Variants in PIF1 observed in about 807,000 individuals in gnomAD.
PIF1 encodes PIF1 5'-to-3' DNA helicase.
Under a neutral mutation model 62.3 loss-of-function variants are expected in PIF1, and 67 were observed. The ratio of observed to expected loss-of-function variants is 1.08; its 90% CI spans 0.88 to 1.32. PIF1 has a LOEUF of 1.32. Among genes scored for constraint, PIF1 ranks in the 40% most tolerant of loss-of-function variants. The pLI is 0.00. For missense variants in PIF1, 886 were observed against 866.1 expected (o/e 1.02, Z -0.29); for synonymous variants, 364 against 379.5 (o/e 0.96, Z 0.47).
In PIF1 at chr15:64,822,360, G is replaced by A; in HGVS notation, c.723C>T (p.Ile241=). The change falls in exon 4 of 13, where the codon ATC becomes ATT. Residue 241 remains isoleucine (I), a synonymous_variant. Coordinates refer to ENST00000559239, the MANE Select transcript of PIF1 (RefSeq NM_001286496.2). ...GTGKSYLLKR[I]LGSLPPTGTV... is the part of the protein sequence containing the mutation. Reference sequence around the variant, plus strand: ...TGCCTGTGGGGGGCAGTGAGCCCAGGATTCGCTTTAGCAGATATGACTTCC... The same window carrying A: ...TGCCTGTGGGGGGCAGTGAGCCCAGAATTCGCTTTAGCAGATATGACTTCC... The A allele has an allele frequency of 1.2e-6, 2 of 1,614,104 alleles. No homozygotes were observed. Among genetic ancestry groups the A allele is most frequent in the Non-Finnish European group, 1.7e-6 (2 of 1,180,002 alleles).
rs201996206 is a variant in PIF1 at position 64,822,589 on chromosome 15, G to A, written c.580C>T (p.Pro194Ser). 4.0e-5 allele frequency: 65 copies of A among 1,613,944 alleles called. No homozygotes were observed. Among genetic ancestry groups the A allele is most frequent in the Middle Eastern group, 1.7e-4 (1 of 6,010 alleles). The change falls in exon 3 of 13, where the codon CCT becomes TCT. Residue 194 changes from proline (P) to serine (S), a missense_variant. Coordinates refer to ENST00000559239, the MANE Select transcript of PIF1 (RefSeq NM_001286496.2). Reference sequence around the variant, plus strand: ...GAGGGCAAGCTCAGCCTCTTCACAGGCAGGGGCCACCTTGGGGCTTCCTGG... The same window carrying A: ...GAGGGCAAGCTCAGCCTCTTCACAGACAGGGGCCACCTTGGGGCTTCCTGG... ...PSTEAPRWPL[P>S]VKRLSLPSTK...
At chr15:64,816,941 G>A (rs2084195117) in intron 11 of PIF1, among the ~76,000 whole-genome samples, 176 bp from the exon 12 acceptor site, 1 of 152,220 alleles carries the variant, frequency 6.6e-6, no homozygotes. Flanking sequence ...GGGGGACCGG[G>A]AGACAGATCC....
rs2084225943 is a variant in PIF1, at chr15:64,818,280, A to G, written c.1505T>C (p.Val502Ala). Residue 502 changes from valine (V) to alanine (A), a missense_variant, in exon 10 of 13, where the codon GTT becomes GCT. Coordinates refer to ENST00000559239, the MANE Select transcript of PIF1 (RefSeq NM_001286496.2). ...GLVNGARGVV[V>A]GFEAEGRGLP... ...ACCTCTCCCTTCTGCCTCGAACCCAACTACCACCCCTCGGGCACCATTCAC... is the reference window on the plus strand; with the variant it reads ...ACCTCTCCCTTCTGCCTCGAACCCAGCTACCACCCCTCGGGCACCATTCAC... 1 of 1,613,930 alleles carries G rather than the reference A, an allele frequency of 6.2e-7. No individual in the cohort carries two copies.
rs181503687 is a variant in PIF1, at chr15:64,818,246, C to T, written c.1528+11G>A. ...CCCGTAGCAGGACTGCCACCTCCTC[C>T]CAACACTTACCTCTCCCTTCTGCCT... On this transcript the variant is annotated intron_variant, in intron 10 of 12. Transcript: ENST00000559239. 8,903 of 1,614,078 alleles carry T rather than the reference C, an allele frequency of 5.5e-3. 44 individuals carry two copies. Among genetic ancestry groups the T allele is most frequent in the Non-Finnish European group, 6.9e-3 (8,109 of 1,179,968 alleles).
chr15:64,826,880 G>A (rs1485048376), upstream of PIF1, among the ~76,000 whole-genome samples: 3 of 151,164 alleles, frequency 2.0e-5, no homozygotes, highest in African/African-American at 4.9e-5. Flanking sequence ...CATGAGCCCG[G>A]ACCTTATTTT....
chr15:64,820,848 C>A, intron 7 of PIF1, 134 bp downstream of exon 7: 1 of 749,194 alleles, frequency 1.3e-6, no homozygotes, highest in Non-Finnish European at 2.2e-6. Flanking sequence ...CTGCCCAAGG[C>A]TCCTCTTCCT....
chr15:64,819,672 G>T (rs1475118157), intron 8 of PIF1, among the ~76,000 whole-genome samples, 175 bp downstream of exon 8: 1 of 152,170 alleles, frequency 6.6e-6, no homozygotes, highest in Non-Finnish European at 1.5e-5. Context: ...GGCCTGGGGG[G>T]CTGTGGAATT....
Position 64,815,935 on chromosome 15 carries a change from C to T in PIF1, c.*363G>A. ...TCCGGAGCACCTGTCTTCATTGCCT[C>T]TCCCTTCTGCAGCCTGAAAGGAGGG... On this transcript the variant is annotated 3_prime_UTR_variant, in exon 13 of 13. Transcript: ENST00000559239. The T allele has an allele frequency of 7.1e-6, 11 of 1,549,868 alleles. No individual in the cohort carries two copies. Among genetic ancestry groups the T allele is most frequent in the Non-Finnish European group, 9.6e-6 (11 of 1,146,642 alleles).
intron 4 of PIF1, 143 bp downstream of exon 4, chr15:64,822,123 C>G: frequency 9.4e-7 from 1 of 1,063,008 alleles, no homozygotes; most frequent in South Asian, 1.6e-5. Context: ...GATCCTCCCA[C>G]CTTGGCCTCC....
At chr15:64,821,563 C>CT in intron 4 of PIF1, 43 bp from the exon 5 acceptor site, 2 of 1,333,210 alleles carry the variant, frequency 1.5e-6, no homozygotes, top group Non-Finnish European at 2.0e-6. Context: ...CCCAAAGCCT[C>CT]TCTTTTTTTT....
rs2084299803 is a variant in PIF1, at chr15:64,822,254, G to T, written c.817+12C>A. 1.9e-6 allele frequency: 3 copies of T among 1,610,532 alleles called. No homozygotes were observed. Among genetic ancestry groups the T allele is most frequent in the Non-Finnish European group, 2.5e-6 (3 of 1,179,022 alleles). ...CTTGCTCTTAGCTCAAGCCCTAGGGGTTCCTACTTACCTGCAAAGGCATGG... is the reference window on the plus strand; with the variant it reads ...CTTGCTCTTAGCTCAAGCCCTAGGGTTTCCTACTTACCTGCAAAGGCATGG... On this transcript the variant is annotated intron_variant, in intron 4 of 12. Coordinates refer to ENST00000559239, the MANE Select transcript of PIF1 (RefSeq NM_001286496.2).
At position 64,821,108 on chromosome 15, in the gene PIF1, G is replaced by T; in HGVS notation, c.1087-20C>A. 6.2e-7 allele frequency: 1 copy of T among 1,612,996 alleles called. No homozygotes were observed. Among genetic ancestry groups the T allele is most frequent in the South Asian group, 1.1e-5 (1 of 91,042 alleles). ...CTTGGACTGGTGGGGGCAGGGTGGG[G>T]GTGGGTCAAGGAGCAGAGCAGACCC... On this transcript the variant is annotated intron_variant, in intron 6 of 12. Coordinates refer to ENST00000559239, the MANE Select transcript of PIF1 (RefSeq NM_001286496.2).
chr15:64,825,480 C>T (rs994331033), intron 1 of PIF1, 89 bp downstream of exon 1: 1 of 152,084 alleles, frequency 6.6e-6, no homozygotes, highest in Middle Eastern at 3.2e-3. Flanking sequence ...GACCCTGGGA[C>T]CCTAGAAGCC....
chr15:64,826,761 A>C (rs1182935470), upstream of PIF1, among the ~76,000 whole-genome samples: 1 of 144,796 alleles, frequency 6.9e-6, no homozygotes, highest in African/African-American at 2.6e-5. Context: ...TATATATATA[A>C]TTTTTTTTTC....
At chr15:64,821,892 AC>A (rs1449860420) in intron 4 of PIF1, 1 of 284,926 alleles carries the variant, frequency 3.5e-6, no homozygotes, top group African/African-American at 2.3e-5. Flanking sequence ...GGCGCTTGCC[AC>A]CATGCCTGGC....
chr15:64,821,565 C>CTT (rs56305637), intron 4 of PIF1, 45 bp from the exon 5 acceptor site: 362 of 1,249,082 alleles, frequency 2.9e-4, no homozygotes, highest in Non-Finnish European at 3.2e-4. Context: ...CAAAGCCTCT[C>CTT]TTTTTTTTTT....
At chr15:64,822,988 A>T (rs754504770) in intron 2 of PIF1, among the ~76,000 whole-genome samples, 1 of 152,152 alleles carries the variant, frequency 6.6e-6, no homozygotes, top group Non-Finnish European at 1.5e-5. Context: ...CTGTCTAGCC[A>T]GGGCCCCTTC....
chr15:64,824,996 T>TACAC (rs1277945945), intron 1 of PIF1, among the ~76,000 whole-genome samples: 10 of 147,028 alleles, frequency 6.8e-5, no homozygotes, highest in African/African-American at 2.5e-4. Context: ...TTTCTATATA[T>TACAC]ATACACACAC....
At chr15:64,821,962 G>C (rs1028162031) in intron 4 of PIF1, 7 of 371,944 alleles carry the variant, frequency 1.9e-5, no homozygotes, top group Admixed American at 9.2e-5. Flanking sequence ...GGATAGTCTT[G>C]ATCTCCTGAC....
Sources: allele counts gnomAD v4.1 joint callset (sites outside exome capture counted in the v4.1 genomes callset), GRCh38; gene constraint gnomAD v4.1.1; transcripts MANE v1.5; gene names NCBI Gene and HGNC (gene_info 2026-07-23, HGNC 2026-07-21).